PPFIA1: variants seen among roughly 807,000 people sequenced by gnomAD.
PPFIA1 encodes PPFI scaffold protein A1, also known as liprin-alpha-1.
A neutral mutation model predicts 149.9 loss-of-function variants in PPFIA1; 25 were observed. That is an observed-to-expected ratio of 0.17 (90% confidence interval 0.12 to 0.23). The LOEUF is 0.23. PPFIA1 is among the 10% of genes least tolerant of loss of function. PPFIA1 has a pLI of 1.00. For missense variants in PPFIA1, 1,362 were observed against 1,506.5 expected (o/e 0.90, Z 1.59); for synonymous variants, 549 against 552.8 (o/e 0.99, Z 0.10).
At chr11:70,358,564 C>G (rs1486403252) in intron 19 of PPFIA1, 3 of 152,156 alleles carry the variant, frequency 2.0e-5, no homozygotes, top group Non-Finnish European at 4.4e-5. Context: ...TTTGCGTTTT[C>G]CAGAAAAAGT....
chr11:70,377,834 C>T lies in PPFIA1; in HGVS notation c.3385-196C>T, dbSNP rs147209881. On this transcript the variant is annotated intron_variant, in intron 25 of 27. Transcript: ENST00000253925. ...CTCATTTCGCCAGCTGAGGCCCAGC[C>T]GGACCATCACCATGCCCCGTTTCAC... Among the ~76,000 whole-genome samples, 7 of 152,250 alleles carry T rather than the reference C, an allele frequency of 4.6e-5. No individual in the cohort carries two copies. In the East Asian group the frequency reaches 7.7e-4, roughly 17 times the overall value.
At chr11:70,298,908 A>C (rs1220727165) in intron 2 of PPFIA1, among the ~76,000 whole-genome samples, 2 of 152,210 alleles carry the variant, frequency 1.3e-5, no homozygotes, top group East Asian at 3.8e-4. Context: ...TTATTCTGTC[A>C]TCATTGAACA....
At chr11:70,376,937 G>C (rs930048765) in intron 25 of PPFIA1, among the ~76,000 whole-genome samples, 1 of 152,100 alleles carries the variant, frequency 6.6e-6, no homozygotes, top group Non-Finnish European at 1.5e-5. Flanking sequence ...GCCGGGCGTT[G>C]TGGTAGGTGC....
At chr11:70,374,685 C>G (rs1321690824) in intron 23 of PPFIA1, 1 of 468,922 alleles carries the variant, frequency 2.1e-6, no homozygotes, top group Non-Finnish European at 3.7e-6. Context: ...TCCTCTCGTG[C>G]TCACTGGAAG....
chr11:70,378,090 A>G lies in PPFIA1; in HGVS notation c.3445A>G (p.Ile1149Val). The G allele has an allele frequency of 1.2e-6, 2 of 1,614,198 alleles. No individual in the cohort carries two copies. Among genetic ancestry groups the G allele is most frequent in the South Asian group, 1.1e-5 (1 of 91,084 alleles). ...SWRKKFRPKD[I>V]RGLAAGSAET... ...GAGAAAAAAGTTTAGACCAAAGGAC[A>G]TTCGTGGCTTAGCTGCTGGGTCAGC... The change falls in exon 26 of 28, where the codon ATT (isoleucine) becomes GTT (valine). Residue 1149 changes from isoleucine (I) to valine (V), a missense_variant. Ile to Val is a conservative substitution (Grantham distance 29, BLOSUM62 3). Coordinates refer to ENST00000253925, the MANE Select transcript of PPFIA1 (RefSeq NM_003626.5).
intron 13 of PPFIA1, 116 bp downstream of exon 13, chr11:70,338,569 C>A (rs2055119795): frequency 2.6e-6 from 2 of 765,476 alleles, no homozygotes. Context: ...GAGCCTGTAG[C>A]TTAGTAGGAA....
In PPFIA1 at chr11:70,372,231, A is replaced by G. The variant is rs932457258; in HGVS notation, c.2882A>G (p.Asp961Gly). 1.9e-6 allele frequency: 3 copies of G among 1,613,828 alleles called. No homozygotes were observed. Among genetic ancestry groups the G allele is most frequent in the Non-Finnish European group, 2.5e-6 (3 of 1,179,948 alleles). ...PTSRTTLAYGDMNHEWIGNEW... is the reference protein window; with the variant it reads ...PTSRTTLAYGGMNHEWIGNEW... ...GAAAAGCAGACACTCGCCTATGGGG[A>G]CATGAACCACGAGTGGATCGGCAAC... The change falls in exon 22 of 28, where the codon GAC (aspartate) becomes GGC (glycine). Residue 961 changes from aspartate to glycine, a missense_variant. Around this residue, in one of 7 missense-constraint regions of PPFIA1, gnomAD observed 349 missense variants for 373.3 expected, o/e 0.93. Coordinates refer to ENST00000253925, the MANE Select transcript of PPFIA1 (RefSeq NM_003626.5).
chr11:70,295,634 C>A (rs1407111227), intron 2 of PPFIA1, among the ~76,000 whole-genome samples: 1 of 132,846 alleles, frequency 7.5e-6, no homozygotes, highest in Non-Finnish European at 1.6e-5. Flanking sequence ...TAGGGGCGGC[C>A]GGGCAGAGGT....
chr11:70,276,400 A>T (rs1168767513), intron 2 of PPFIA1, among the ~76,000 whole-genome samples: 1 of 151,710 alleles, frequency 6.6e-6, no homozygotes, highest in Non-Finnish European at 1.5e-5. Context: ...ATCTTGATGT[A>T]TTCTCCTTTT....
At chr11:70,382,227 G>A (rs1271791666) in intron 27 of PPFIA1, 69 bp downstream of exon 27, 2 of 1,237,936 alleles carry the variant, frequency 1.6e-6, no homozygotes, top group East Asian at 4.9e-5. Flanking sequence ...GAGCTGCAGT[G>A]CCAGACTAGG....
chr11:70,293,132 C>G (rs2051647212), intron 2 of PPFIA1, among the ~76,000 whole-genome samples: 1 of 152,202 alleles, frequency 6.6e-6, no homozygotes. Flanking sequence ...GTGATGCATC[C>G]TAGAATGATG....
intron 8 of PPFIA1, among the ~76,000 whole-genome samples, chr11:70,331,366 T>A (rs1376762791): frequency 2.0e-5 from 3 of 150,704 alleles, no homozygotes; most frequent in African/African-American, 7.3e-5. Flanking sequence ...ACTCTGTCTT[T>A]AAACAAACAA....
At position 70,326,372 on chromosome 11, in the gene PPFIA1, G is replaced by A; in HGVS notation, c.708+9G>A. Reference sequence around the variant, plus strand: ...CAAGCACGAGTGGAAAGGCAAGTCTGTAGGCTTTGTCTTTATTCTGTTTGA... The same window carrying A: ...CAAGCACGAGTGGAAAGGCAAGTCTATAGGCTTTGTCTTTATTCTGTTTGA... On this transcript the variant is annotated intron_variant, in intron 6 of 27. Coordinates refer to ENST00000253925, the MANE Select transcript of PPFIA1 (RefSeq NM_003626.5). 6.4e-7 allele frequency: 1 copy of A among 1,561,592 alleles called. No homozygotes were observed. The highest frequency in any genetic ancestry group is 8.8e-7 in the Non-Finnish European group (1 of 1,137,344).
chr11:70,375,181 TAAAAA>T (rs372735947), intron 24 of PPFIA1, 88 bp downstream of exon 24: 4 of 141,570 alleles, frequency 2.8e-5, no homozygotes, highest in East Asian at 4.7e-4. Flanking sequence ...AAAGAAACTT[TAAAAA>T]AAAAAAAAAA....
chr11:70,330,552 A>G (rs1197011835), intron 8 of PPFIA1, among the ~76,000 whole-genome samples: 1 of 152,222 alleles, frequency 6.6e-6, no homozygotes, highest in African/African-American at 2.4e-5. Context: ...TTGAAAGTTA[A>G]TCTATTGCTT....
At position 70,363,859 on chromosome 11, in the gene PPFIA1, T is replaced by G. The variant is rs528879047; in HGVS notation, c.2865+1371T>G. The stretch of plus-strand genomic sequence containing the variant: ...AGGTGACATACTAGTAAGAGATACT[T>G]GTTATCCCACCGTCAAAACTGATCC... On this transcript the variant is annotated intron_variant, in intron 21 of 27. Coordinates refer to ENST00000253925, the MANE Select transcript of PPFIA1 (RefSeq NM_003626.5). Among the ~76,000 whole-genome samples, 3 of 152,192 alleles carry G rather than the reference T, an allele frequency of 2.0e-5. No homozygotes were observed. The South Asian group carries it at 6.2e-4, about 32-fold the overall frequency.
At chr11:70,294,977 A>C (rs568061058) in intron 2 of PPFIA1, among the ~76,000 whole-genome samples, 14 of 152,222 alleles carry the variant, frequency 9.2e-5, no homozygotes, top group Middle Eastern at 3.4e-3. Context: ...CATGGCAACC[A>C]TCCGATTTCT....
At chr11:70,319,660 C>T (rs2053824081) in intron 2 of PPFIA1, among the ~76,000 whole-genome samples, 1 of 152,122 alleles carries the variant, frequency 6.6e-6, no homozygotes, top group African/African-American at 2.4e-5. Flanking sequence ...GTTCAGAGTC[C>T]TCAAAGCCTG....
intron 21 of PPFIA1, among the ~76,000 whole-genome samples, chr11:70,368,726 T>G (rs1464914454): frequency 6.6e-6 from 1 of 152,268 alleles, no homozygotes; most frequent in Admixed American, 6.5e-5. Context: ...CCTGCAACTT[T>G]GCTTAAACCC....
Sources: gnomAD v4.1 joint callset for allele counts (sites outside exome capture counted in the v4.1 genomes callset) on GRCh38, gnomAD v4.1.1 for gene constraint, gnomAD v4.1.1 regional missense constraint, MANE v1.5 for transcripts, NCBI Gene and HGNC (gene_info 2026-07-23, HGNC 2026-07-21) for gene names.